The following ZNF140 variants were observed in gnomAD, a reference collection of about 807,000 sequenced individuals.
The protein encoded by ZNF140 is zinc finger protein 140.
A neutral mutation model predicts 12.9 loss-of-function variants in ZNF140; 13 were observed. That is an observed-to-expected ratio of 1.01 (90% CI 0.66 to 1.60). The LOEUF (loss-of-function observed/expected upper bound fraction) is 1.60. Among genes scored for constraint, ZNF140 ranks in the 40% most tolerant of loss-of-function variants. ZNF140 has a pLI of 0.00. For missense variants in ZNF140, 531 were observed against 548.8 expected (o/e 0.97, Z 0.32); for synonymous variants, 214 against 186.7 (o/e 1.15, Z -1.19).
At chr12:133,105,033 G>A (rs1265914619) in intron 4 of ZNF140, among the ~76,000 whole-genome samples, 1 of 152,126 alleles carries the variant, frequency 6.6e-6, no homozygotes, top group Non-Finnish European at 1.5e-5. Flanking sequence ...TAGAGTTGGA[G>A]GATCATAGGC....
At chr12:133,103,579 GCTTT>G (rs1339466385) in intron 4 of ZNF140, among the ~76,000 whole-genome samples, 2 of 151,802 alleles carry the variant, frequency 1.3e-5, no homozygotes, top group Non-Finnish European at 2.9e-5. Flanking sequence ...GGCCCCAACA[GCTTT>G]CTATTTTTTT....
At chr12:133,090,007 G>A (rs1009643065) in intron 4 of ZNF140, among the ~76,000 whole-genome samples, 7 of 151,884 alleles carry the variant, frequency 4.6e-5, no homozygotes, top group Admixed American at 3.9e-4. Flanking sequence ...ACGCCACCAC[G>A]CCCAGCTAAT....
intron 2 of ZNF140, 50 bp downstream of exon 2, chr12:133,081,379 A>ATATATATATT (rs1954495317): frequency 4.5e-6 from 1 of 221,138 alleles, no homozygotes; most frequent in South Asian, 1.0e-4. Context: ...ATAAATTTTT[A>ATATATATATT]TTTTTTTTTT....
chr12:133,081,581 C>A (rs1168547132), intron 2 of ZNF140: 3 of 455,074 alleles, frequency 6.6e-6, no homozygotes, highest in African/African-American at 4.0e-5. Flanking sequence ...CTGGCAGAAC[C>A]CCAGGACCCT....
At chr12:133,102,077 G>C (rs1955369266) in intron 4 of ZNF140, among the ~76,000 whole-genome samples, 1 of 152,102 alleles carries the variant, frequency 6.6e-6, no homozygotes. Context: ...GGGAAGAGAA[G>C]CATTTTGTAA....
intron 4 of ZNF140, among the ~76,000 whole-genome samples, chr12:133,103,829 A>G (rs1211272021): frequency 4.6e-5 from 7 of 152,198 alleles, no homozygotes; most frequent in Admixed American, 6.5e-5. Flanking sequence ...GTTCACATCT[A>G]CAGAGTTCTT....
intron 4 of ZNF140, among the ~76,000 whole-genome samples, chr12:133,093,934 G>A (rs1954982338): frequency 6.6e-6 from 1 of 150,742 alleles, no homozygotes; most frequent in Non-Finnish European, 1.5e-5. Flanking sequence ...GTCTTTTCCA[G>A]TCTCTCTGTC....
Position 133,091,275 on chromosome 12 carries a change from G to C in ZNF140, c.232+7714G>C, listed in dbSNP as rs745677937. On this transcript the variant is annotated intron_variant, in intron 4 of 4. Transcript: ENST00000355557. ...CCCTGGTTTATTGAGACTAGAGAATGGCGATGACTTTTACCAAGTATACTG... is the reference window on the plus strand; with the variant it reads ...CCCTGGTTTATTGAGACTAGAGAATCGCGATGACTTTTACCAAGTATACTG... Among the ~76,000 whole-genome samples, 85 of 150,934 alleles carry C rather than the reference G, an allele frequency of 5.6e-4. 1 individual carries two copies. Among genetic ancestry groups the C allele is most frequent in the Non-Finnish European group, 1.1e-3 (75 of 67,732 alleles).
rs1245961288 is a variant in ZNF140 at position 133,093,541 on chromosome 12, G to A, written c.232+9980G>A. On this transcript the variant is annotated intron_variant, in intron 4 of 4. Transcript: ENST00000355557. ...AAACTGGAAGCTGATTTATTTTCTG[G>A]TTAAACACAAGCAAAATCTCTCCCC... is the stretch of plus-strand genomic sequence containing the variant. 12 of 689,612 alleles carry A rather than the reference G, an allele frequency of 1.7e-5. 2 individuals are homozygous for A. In the Middle Eastern group the frequency reaches 7.2e-4, roughly 41 times the overall value. The allele number at this position is 689,612 out of a possible 1,614,324, so 42.7% of individuals were successfully genotyped here.
rs760579103 is a variant in ZNF140 at position 133,106,559 on chromosome 12, C to T, written c.1282C>T (p.Leu428Phe). ...CAAATCCTTCAGCTGGAGCTCAAAC[C>T]TTGCTAAACATCAGAGGACACACAC... ...CNKSFSWSSN[L>F]AKHQRTHTLD... The change falls in exon 5 of 5, where the codon CTT becomes TTT. Residue 428 changes from leucine (L) to phenylalanine (F), a missense_variant. Physicochemically the swap from Leu to Phe is conservative, Grantham distance 22. Transcript: ENST00000355557. The T allele has an allele frequency of 6.2e-7, 1 of 1,613,878 alleles. No individual in the cohort carries two copies. The highest frequency in any genetic ancestry group is 1.1e-5 in the South Asian group (1 of 91,082).
intron 4 of ZNF140, among the ~76,000 whole-genome samples, chr12:133,095,968 G>A (rs143440871): frequency 0.55 from 78,636 of 143,558 alleles, 20,182 homozygotes; most frequent in African/African-American, 0.66. Context: ...CCAGGGGCAG[G>A]CAGGAGACAG....
chr12:133,083,648 G>A, intron 4 of ZNF140, 87 bp downstream of exon 4: 1 of 1,328,048 alleles, frequency 7.5e-7, no homozygotes, highest in East Asian at 2.4e-5. Flanking sequence ...ATGTTGATTG[G>A]AAAATTTTCC....
At position 133,097,818 on chromosome 12, in the gene ZNF140, C is replaced by CGTGTGTGT. The variant is rs1377287336; in HGVS notation, c.233-7692_233-7691insGTGTGTGT. Among the ~76,000 whole-genome samples the CGTGTGTGT allele has an allele frequency of 3.5e-3, 377 of 106,576 alleles. 1 individual carries two copies. The highest frequency in any genetic ancestry group is 0.018 in the Middle Eastern group (4 of 226). The allele number at this position is 106,576 out of a possible 152,430, so 69.9% of individuals were successfully genotyped here. Reference sequence around the variant, plus strand: ...ATATGCATGAGGCACCACATCTAACCATGTGTGTGTGTGTGTGTGTGTGTG... The same window carrying CGTGTGTGT: ...ATATGCATGAGGCACCACATCTAACCGTGTGTGTATGTGTGTGTGTGTGTGTGTGTGTG... On this transcript the variant is annotated intron_variant, in intron 4 of 4. Coordinates refer to ENST00000355557, the MANE Select transcript of ZNF140 (RefSeq NM_003440.4).
At chr12:133,101,109 G>T (rs1287941200) in intron 4 of ZNF140, 2 of 376,426 alleles carry the variant, frequency 5.3e-6, no homozygotes, top group Non-Finnish European at 1.0e-5. Context: ...TCTGAAATTG[G>T]AATATAATAT....
In ZNF140 at chr12:133,090,912, A is replaced by C. The variant is rs978023886; in HGVS notation, c.232+7351A>C. Among the ~76,000 whole-genome samples the C allele has an allele frequency of 1.8e-4, 26 of 143,462 alleles. 1 individual carries two copies. In the South Asian group the frequency reaches 4.3e-3, roughly 24 times the overall value. 94.1% of individuals were successfully genotyped at this position (143,462 alleles called of 152,430 possible). ...AAACATCTCAGCGGAGTAAAGAATA[A>C]CAAGGCAGCATTACTGCAAACATAT... On this transcript the variant is annotated intron_variant, in intron 4 of 4. Coordinates refer to ENST00000355557, the MANE Select transcript of ZNF140 (RefSeq NM_003440.4).
intron 4 of ZNF140, among the ~76,000 whole-genome samples, chr12:133,102,621 T>C (rs1469758701): frequency 6.6e-6 from 1 of 152,032 alleles, no homozygotes; most frequent in Non-Finnish European, 1.5e-5. Context: ...TGGCAGCGTG[T>C]GCCTGTAGTC....
At chr12:133,081,370 T>TATATATATAA (rs1444173802) in intron 2 of ZNF140, 41 bp downstream of exon 2, 27 of 235,976 alleles carry the variant, frequency 1.1e-4, no homozygotes, top group Middle Eastern at 2.8e-3. Flanking sequence ...TATATATATA[T>TATATATATAA]AAATTTTTAT....
chr12:133,091,742 T>C (rs1954898721), intron 4 of ZNF140, among the ~76,000 whole-genome samples: 1 of 151,222 alleles, frequency 6.6e-6, no homozygotes, highest in Admixed American at 6.6e-5. Flanking sequence ...TTTGTGAGGC[T>C]ATCAACAGCT....
At chr12:133,096,406 A>G (rs1269715059) in intron 4 of ZNF140, among the ~76,000 whole-genome samples, 2 of 152,188 alleles carry the variant, frequency 1.3e-5, no homozygotes, top group Non-Finnish European at 2.9e-5. Flanking sequence ...GTCTTTTTCA[A>G]AATGGAGTCT....
Sources: allele counts gnomAD v4.1 joint callset (sites outside exome capture counted in the v4.1 genomes callset), GRCh38; gene constraint gnomAD v4.1.1; transcripts MANE v1.5; gene names NCBI Gene and HGNC (gene_info 2026-07-23, HGNC 2026-07-21).